COG7: variants seen among roughly 807,000 people sequenced by gnomAD.
COG7 encodes conserved oligomeric Golgi complex subunit 7.
In COG7, 49 loss-of-function variants were observed where a neutral mutation model predicts 91.5. The ratio of observed to expected loss-of-function variants is 0.54; its 90% CI spans 0.43 to 0.68. The LOEUF (loss-of-function observed/expected upper bound fraction) is 0.68, where lower values mean the gene tolerates loss of function less well. Among genes scored for constraint, COG7 ranks in the 30% least tolerant of loss-of-function variants. The probability of loss-of-function intolerance (pLI) is 0.00; values close to 1 mark genes in which losing one functional copy is unlikely to be tolerated. For missense variants in COG7, 895 were observed against 961.3 expected, an observed-to-expected ratio of 0.93 and a Z score of 0.91; for synonymous variants, 365 against 388.7, an observed-to-expected ratio of 0.94 and a Z score of 0.72.
chr16:23,399,590 CT>C (rs539011797), intron 13 of COG7, among the ~76,000 whole-genome samples: 2 of 152,176 alleles, frequency 1.3e-5, no homozygotes, highest in Admixed American at 1.3e-4. Flanking sequence ...CCTCTCCCCC[CT>C]GCAGACACAT....
At chr16:23,432,499 G>C (rs1261229547) in intron 6 of COG7, among the ~76,000 whole-genome samples, 1 of 151,384 alleles carries the variant, frequency 6.6e-6, no homozygotes, top group Non-Finnish European at 1.5e-5. Context: ...CAAGGGTTTG[G>C]AGAAAAAAAA....
At chr16:23,403,282 T>C (rs1370173133) in intron 13 of COG7, among the ~76,000 whole-genome samples, 1 of 152,228 alleles carries the variant, frequency 6.6e-6, no homozygotes, top group Non-Finnish European at 1.5e-5. Flanking sequence ...AGTTCAATTC[T>C]GATAAGGTAC....
intron 13 of COG7, among the ~76,000 whole-genome samples, chr16:23,401,277 T>A (rs1483572578): frequency 6.6e-6 from 1 of 152,222 alleles, no homozygotes; most frequent in East Asian, 1.9e-4. Context: ...CTTGGTATTG[T>A]GTGCTGGCAC....
chr16:23,436,040 T>C (rs1422404364), intron 4 of COG7, among the ~76,000 whole-genome samples: 3 of 152,020 alleles, frequency 2.0e-5, no homozygotes, highest in African/African-American at 7.2e-5. Flanking sequence ...AGTTCAAAAA[T>C]GTCCTAGGCA....
chr16:23,435,729 T>TG (rs1298922618), intron 4 of COG7, among the ~76,000 whole-genome samples: 1 of 152,250 alleles, frequency 6.6e-6, no homozygotes, highest in Non-Finnish European at 1.5e-5. Flanking sequence ...ATTTGCTCTG[T>TG]TCCCCTTCAC....
Position 23,453,144 on chromosome 16 carries a change from C to A in COG7, c.-150G>T, listed in dbSNP as rs1270729764. ...CCAGGACGGGTAACTTGCCCCTTTG[C>A]GCTTCCCCGCTCAGCGCACTCAGTT... On this transcript the variant is annotated 5_prime_UTR_variant, in exon 1 of 17. Transcript: ENST00000307149. 6.9e-7 allele frequency: 1 copy of A among 1,443,748 alleles called. No individual in the cohort carries two copies. 89.4% of individuals were successfully genotyped at this position (1,443,748 alleles called of 1,614,324 possible). A position where few individuals can be genotyped will look rare whatever the true frequency, so the allele number is the denominator to read the frequency against.
rs1282818177 is a variant in COG7, at chr16:23,392,446, A to G, written c.2080T>C (p.Cys694Arg). The change falls in exon 16 of 17, where the codon TGT (cysteine) becomes CGT (arginine). Residue 694 changes from cysteine to arginine, a missense_variant. By Grantham distance (180) the Cys-to-Arg change is radical. Transcript: ENST00000307149. ...SIARATMQTY[C>R]DAILQIPELS... ...TCAGGGATCTGTAGGATCGCATCAC[A>G]GTAGGTCTGCATTGTGGCTCTGGCG... The G allele has an allele frequency of 6.2e-7, 1 of 1,614,090 alleles. No homozygotes were observed. Among genetic ancestry groups the G allele is most frequent in the African/African-American group, 1.3e-5 (1 of 74,924 alleles).
intron 4 of COG7, among the ~76,000 whole-genome samples, chr16:23,441,408 C>A (rs1308079986): frequency 6.6e-6 from 1 of 152,088 alleles, no homozygotes; most frequent in Non-Finnish European, 1.5e-5. Context: ...AACCTCATCT[C>A]TACTGAAAAT....
chr16:23,397,994 G>A, intron 14 of COG7, 52 bp downstream of exon 14: 1 of 1,446,960 alleles, frequency 6.9e-7, no homozygotes, highest in Non-Finnish European at 9.7e-7. Flanking sequence ...CAAAAGACAA[G>A]GAAGGTCTGA....
intron 7 of COG7, among the ~76,000 whole-genome samples, chr16:23,421,928 A>G (rs1263684227): frequency 6.6e-6 from 1 of 152,146 alleles, no homozygotes; most frequent in Non-Finnish European, 1.5e-5. Flanking sequence ...GCAAATTTAA[A>G]CTTATCCTAA....
chr16:23,439,304 CAAAAAAAAAAAA>C (rs904010571), intron 4 of COG7, among the ~76,000 whole-genome samples: 10 of 38,850 alleles, frequency 2.6e-4, no homozygotes, highest in Admixed American at 1.2e-3. Context: ...ACTGTGTCTC[CAAAAAAAAAAAA>C]AAAAAAAAAA....
At position 23,398,074 on chromosome 16, in the gene COG7, C is replaced by A; in HGVS notation, c.1859G>T (p.Ser620Ile). 2 of 1,614,170 alleles carry A rather than the reference C, an allele frequency of 1.2e-6. No homozygotes were observed. Among genetic ancestry groups the A allele is most frequent in the Non-Finnish European group, 1.7e-6 (2 of 1,180,042 alleles). ...ETLTDELPAFSLTPLEYISNI... is the reference protein window; with the variant it reads ...ETLTDELPAFILTPLEYISNI... The stretch of plus-strand genomic sequence containing the variant: ...GCTGATGTACTCGAGAGGGGTGAGA[C>A]TAAAGGCGGGCAGTTCATCTGTGAG... Residue 620 changes from serine (S) to isoleucine (I), a missense_variant, in exon 14 of 17, where the codon AGT becomes ATT. Physicochemically the swap from Ser to Ile is moderately radical, Grantham distance 142 (BLOSUM62 -2). Coordinates refer to ENST00000307149, the MANE Select transcript of COG7 (RefSeq NM_153603.4).
chr16:23,421,057 C>A (rs1422396373), intron 7 of COG7, among the ~76,000 whole-genome samples: 1 of 151,526 alleles, frequency 6.6e-6, no homozygotes, highest in African/African-American at 2.4e-5. Flanking sequence ...GCCCAAAATG[C>A]TGTTTCTGAA....
At chr16:23,449,254 T>G (rs1423395500) in intron 1 of COG7, among the ~76,000 whole-genome samples, 1 of 151,674 alleles carries the variant, frequency 6.6e-6, no homozygotes, top group East Asian at 1.9e-4. Context: ...TCCCAGCTAC[T>G]CGGGAGGCTG....
At chr16:23,402,896 C>T (rs1963401031) in intron 13 of COG7, among the ~76,000 whole-genome samples, 1 of 152,214 alleles carries the variant, frequency 6.6e-6, no homozygotes, top group Admixed American at 6.5e-5. Flanking sequence ...CCCAGCCTTG[C>T]AGGCTTTCTA....
intron 11 of COG7, 106 bp from the exon 12 acceptor site, chr16:23,406,368 A>T (rs556759149): frequency 1.0e-6 from 1 of 1,000,766 alleles, no homozygotes; most frequent in South Asian, 1.3e-5. Flanking sequence ...TCCTCATGAG[A>T]CAGACTGAAT....
At chr16:23,444,948 T>C in intron 3 of COG7, 100 bp downstream of exon 3, 1 of 890,096 alleles carries the variant, frequency 1.1e-6, no homozygotes, top group Non-Finnish European at 1.9e-6. Flanking sequence ...GGTTTCTGAA[T>C]GCTGCTATTG....
intron 7 of COG7, among the ~76,000 whole-genome samples, chr16:23,419,411 CAAA>C (rs762261311): frequency 2.6e-5 from 3 of 113,828 alleles, no homozygotes; most frequent in Non-Finnish European, 1.9e-5. Flanking sequence ...GACTCCATCT[CAAA>C]AAAAAAAAAA....
intron 4 of COG7, among the ~76,000 whole-genome samples, chr16:23,437,364 C>T (rs533284015): frequency 6.6e-6 from 1 of 152,278 alleles, no homozygotes; most frequent in East Asian, 1.9e-4. Context: ...CCCCACAGAA[C>T]TGGATGTAAC....
Sources: gnomAD v4.1 joint callset for allele counts (sites outside exome capture counted in the v4.1 genomes callset) on GRCh38, gnomAD v4.1.1 for gene constraint, MANE v1.5 for transcripts, NCBI Gene and HGNC (gene_info 2026-07-23, HGNC 2026-07-21) for gene names.